The following ZBBX variants were observed in gnomAD, a reference collection of about 807,000 sequenced individuals.
The protein encoded by ZBBX is zinc finger B-box domain containing.
In ZBBX, 101 loss-of-function variants were observed where a neutral mutation model predicts 108.5. That is an observed-to-expected ratio of 0.93 (90% confidence interval 0.79 to 1.10). ZBBX has a LOEUF of 1.10. ZBBX is among the 50% of genes least tolerant of loss of function. The pLI is 0.00. For synonymous variants in ZBBX, 356 were observed against 323.4 expected (o/e 1.10, Z -1.08); for missense variants, 1,009 against 941.4 (o/e 1.07, Z -0.94).
At chr3:167,348,352 G>GAAA (rs763979229) in intron 9 of ZBBX, among the ~76,000 whole-genome samples, 2 of 103,784 alleles carry the variant, frequency 1.9e-5, no homozygotes, top group Non-Finnish European at 3.8e-5. Flanking sequence ...AAGAAAGAAA[G>GAAA]AAAGAAAGAA....
chr3:167,317,807 A>C (rs1383271821), intron 12 of ZBBX, among the ~76,000 whole-genome samples: 1 of 152,062 alleles, frequency 6.6e-6, no homozygotes, highest in African/African-American at 2.4e-5. Flanking sequence ...ACATCACAGA[A>C]GATTTTTAAA....
intron 2 of ZBBX, among the ~76,000 whole-genome samples, chr3:167,378,643 GGCA>G (rs1747334406): frequency 6.6e-6 from 1 of 152,154 alleles, no homozygotes; most frequent in African/African-American, 2.4e-5. Context: ...CAGGGAAAGG[GGCA>G]GCCTTAGAAA....
At chr3:167,269,996 C>T (rs188044346) in intron 20 of ZBBX, among the ~76,000 whole-genome samples, 4 of 152,266 alleles carry the variant, frequency 2.6e-5, no homozygotes, top group African/African-American at 7.2e-5. Flanking sequence ...ACTCACCCAA[C>T]CTCTTTAGTC....
intron 20 of ZBBX, among the ~76,000 whole-genome samples, chr3:167,253,791 CA>C (rs1354758448): frequency 6.6e-6 from 1 of 151,864 alleles, no homozygotes; most frequent in Non-Finnish European, 1.5e-5. Context: ...GATATATAAA[CA>C]AACTAGTATC....
upstream of ZBBX, among the ~76,000 whole-genome samples, chr3:167,383,684 G>A (rs944963481): frequency 1.3e-5 from 2 of 151,968 alleles, no homozygotes; most frequent in African/African-American, 4.8e-5. Context: ...ATAAATTTTC[G>A]ATTCCTGCAA....
At chr3:167,319,228 C>A (rs958976092) in intron 12 of ZBBX, among the ~76,000 whole-genome samples, 6 of 151,940 alleles carry the variant, frequency 3.9e-5, no homozygotes, top group Non-Finnish European at 8.8e-5. Context: ...CATACAAGAA[C>A]ATGGATGAAT....
chr3:167,327,975 TGTC>T lies in ZBBX; in HGVS notation c.826_828del (p.Asp276del). ...GCTGCATGTAAATTCTGTTTCTTGTTGTCATCATGATTTCCGGTTCTCCATTGA... is the reference window on the plus strand; with the variant it reads ...GCTGCATGTAAATTCTGTTTCTTGTTATCATGATTTCCGGTTCTCCATTGA... On this transcript the variant is annotated inframe_deletion, in exon 11 of 22. Transcript: ENST00000675490. 2 of 1,611,902 alleles carry T rather than the reference TGTC, an allele frequency of 1.2e-6. No homozygotes were observed. Among genetic ancestry groups the T allele is most frequent in the Non-Finnish European group, 1.7e-6 (2 of 1,179,558 alleles).
chr3:167,288,274 T>C (rs1029782011), intron 19 of ZBBX, among the ~76,000 whole-genome samples: 1 of 152,128 alleles, frequency 6.6e-6, no homozygotes, highest in East Asian at 1.9e-4. Flanking sequence ...TATACACTCA[T>C]TAGGAAAGTA....
At chr3:167,256,402 A>G (rs1723518529) in intron 20 of ZBBX, among the ~76,000 whole-genome samples, 1 of 151,942 alleles carries the variant, frequency 6.6e-6, no homozygotes, top group Non-Finnish European at 1.5e-5. Context: ...AAATAAGCAC[A>G]TCATGGAGAA....
chr3:167,394,109 T>G (rs1748159882), intron 1 of ZBBX, among the ~76,000 whole-genome samples: 1 of 151,950 alleles, frequency 6.6e-6, no homozygotes, highest in Non-Finnish European at 1.5e-5. Context: ...ATACTTTACT[T>G]TTTACATAAC....
intron 8 of ZBBX, among the ~76,000 whole-genome samples, chr3:167,356,512 C>A (rs1034695944): frequency 6.6e-6 from 1 of 152,018 alleles, no homozygotes; most frequent in Admixed American, 6.6e-5. Context: ...TATTAGTATA[C>A]ATAACCATTA....
At chr3:167,324,148 CT>C (rs201432775) in intron 11 of ZBBX, among the ~76,000 whole-genome samples, 21 of 149,950 alleles carry the variant, frequency 1.4e-4, no homozygotes, top group African/African-American at 3.2e-4. Context: ...AAACAAAATT[CT>C]TTTTTTTTTC....
Position 167,359,888 on chromosome 3 carries a change from C to T in ZBBX, c.414G>A (p.Glu138=). 6.5e-7 allele frequency: 1 copy of T among 1,546,984 alleles called. No homozygotes were observed. The highest frequency in any genetic ancestry group is 1.2e-5 in the South Asian group (1 of 82,084). ...TACATACCAGTAGAGCAGCTTTGTTCTCACACTGTCCACATACTTTCCCAT... is the reference window on the plus strand; with the variant it reads ...TACATACCAGTAGAGCAGCTTTGTTTTCACACTGTCCACATACTTTCCCAT... The part of the protein sequence containing the change: ...KINGKVCGQC[E]NKAALLVCLE... The change falls in exon 8 of 22, where the codon GAG becomes GAA. Residue 138 remains glutamate, a synonymous_variant. Coordinates refer to ENST00000675490, the MANE Select transcript of ZBBX (RefSeq NM_001199201.2).
intron 10 of ZBBX, among the ~76,000 whole-genome samples, chr3:167,330,868 G>GAAGAAGAAGAAGAAGAAGAAGAAGCAGA: frequency 2.3e-5 from 1 of 43,344 alleles, no homozygotes; most frequent in Non-Finnish European, 4.1e-5. Context: ...GGAGGAGGAG[G>GAAGAAGAAGAAGAAGAAGAAGAAGCAGA]AGGAGAAGAA....
intron 8 of ZBBX, among the ~76,000 whole-genome samples, chr3:167,353,421 T>G (rs371478687): frequency 6.6e-6 from 1 of 152,078 alleles, no homozygotes; most frequent in South Asian, 2.1e-4. Flanking sequence ...GTATTACTTG[T>G]AAGTGGGAGA....
chr3:167,204,237 TC>T, the ZBBX span, among the ~76,000 whole-genome samples: 1,318 of 104,082 alleles, frequency 0.013, 9 homozygotes, highest in Non-Finnish European at 0.02. Flanking sequence ...AAATTTCTTT[TC>T]TTTTCTTTTT....
At position 167,277,244 on chromosome 3, in the gene ZBBX, A is replaced by C. The variant is rs144548479; in HGVS notation, c.2254+4994T>G. Among the ~76,000 whole-genome samples, 1,366 of 152,224 alleles carry C rather than the reference A, an allele frequency of 9.0e-3. 27 individuals carry two copies. Among genetic ancestry groups the C allele is most frequent in the African/African-American group, 0.031 (1,289 of 41,530 alleles). On this transcript the variant is annotated intron_variant, in intron 20 of 21. Coordinates refer to ENST00000675490, the MANE Select transcript of ZBBX (RefSeq NM_001199201.2). Reference sequence around the variant, plus strand: ...GACAGGAACAAATTCACACATAACAATATTAACTTTAAATGTAAATGGACT... The same window carrying C: ...GACAGGAACAAATTCACACATAACACTATTAACTTTAAATGTAAATGGACT...
chr3:167,400,669 C>T (rs896785048), intron 1 of ZBBX, among the ~76,000 whole-genome samples: 2 of 152,026 alleles, frequency 1.3e-5, no homozygotes, highest in African/African-American at 4.8e-5. Context: ...GGCCCGTACC[C>T]GTGACACAGC....
chr3:167,294,847 A>T (rs1731340859), intron 18 of ZBBX, among the ~76,000 whole-genome samples: 1 of 152,188 alleles, frequency 6.6e-6, no homozygotes, highest in Admixed American at 6.5e-5. Flanking sequence ...ATTTACAAGA[A>T]AAAAACAAAC....
Sources: allele counts gnomAD v4.1 joint callset (sites outside exome capture counted in the v4.1 genomes callset), GRCh38; gene constraint gnomAD v4.1.1; transcripts MANE v1.5; gene names NCBI Gene and HGNC (gene_info 2026-07-23, HGNC 2026-07-21).